The following PCDHA7 variants were observed in gnomAD, a reference collection of about 807,000 sequenced individuals.
PCDHA7 encodes protocadherin alpha-7.
In PCDHA7, 37 loss-of-function variants were observed where a neutral mutation model predicts 57.2. The ratio of observed to expected loss-of-function variants is 0.65; its 90% CI spans 0.50 to 0.85. PCDHA7 has a LOEUF of 0.85. Among genes scored for constraint, PCDHA7 ranks in the 40% least tolerant of loss-of-function variants. PCDHA7 has a pLI of 0.00. For missense variants in PCDHA7, 1,188 were observed against 1,241.8 expected, an observed-to-expected ratio of 0.96 and a Z score of 0.65; for synonymous variants, 553 against 558.8, an observed-to-expected ratio of 0.99 and a Z score of 0.15.
At chr5:140,868,823 G>A (rs576498570) in intron 1 of PCDHA7, 4 of 397,532 alleles carry the variant, frequency 1.0e-5, no homozygotes, top group South Asian at 6.7e-5. Context: ...ATATTTGGGG[G>A]AAGAAACCCA....
At chr5:141,009,391 C>T (rs1006846075) in intron 3 of PCDHA7, among the ~76,000 whole-genome samples, 1 of 152,086 alleles carries the variant, frequency 6.6e-6, no homozygotes, top group Non-Finnish European at 1.5e-5. Context: ...CACAGGAGGT[C>T]GAGGCTGCAG....
At chr5:140,850,167 G>C (rs2041389844) in intron 1 of PCDHA7, 2 of 1,594,718 alleles carry the variant, frequency 1.3e-6, no homozygotes, top group African/African-American at 1.3e-5. Flanking sequence ...CGTGCTGGAC[G>C]AGAACGACAA....
At chr5:140,872,804 A>G (rs918819226) in intron 1 of PCDHA7, among the ~76,000 whole-genome samples, 1 of 152,170 alleles carries the variant, frequency 6.6e-6, no homozygotes, top group Admixed American at 6.5e-5. Flanking sequence ...ATTCTTCCAT[A>G]AGTTTTTCAG....
rs192388233 is a variant in PCDHA7 at position 140,869,206 on chromosome 5, G to C, written c.2355+32468G>C. 4,858 of 1,613,972 alleles carry C rather than the reference G, an allele frequency of 3.0e-3. 14 individuals carry two copies. The highest frequency in any genetic ancestry group is 3.0e-3 in the Non-Finnish European group (3,497 of 1,179,950). On this transcript the variant is annotated intron_variant, in intron 1 of 3. Transcript: ENST00000525929. ...GGGGAGCGGCCAGCTCCACTACTCC[G>C]TCTCGGAGGAGGCCAAACACGGCAC...
rs369328632 is a variant in PCDHA7, at chr5:140,856,073, G to A, written c.2355+19335G>A. On this transcript the variant is annotated intron_variant, in intron 1 of 3. Transcript: ENST00000525929. ...GATGGTTTCCAGATGTAGCTGCCTG[G>A]GGGTCCAGTGTCTGCTGCTCTCGCT... The A allele has an allele frequency of 1.9e-6, 3 of 1,592,028 alleles. 1 individual carries two copies. Among genetic ancestry groups the A allele is most frequent in the Non-Finnish European group, 2.6e-6 (3 of 1,163,816 alleles).
At chr5:140,928,007 A>G in intron 1 of PCDHA7, 3 of 1,614,116 alleles carry the variant, frequency 1.9e-6, no homozygotes, top group Non-Finnish European at 2.5e-6. Context: ...CTCGATTCTA[A>G]TGGTAGGGTC....
chr5:140,876,873 C>G (rs781921402), intron 1 of PCDHA7: 1 of 1,614,128 alleles, frequency 6.2e-7, no homozygotes, highest in Non-Finnish European at 8.5e-7. Context: ...TGAAGGAGAA[C>G]AACCCGCCGG....
At chr5:140,842,654 G>A in intron 1 of PCDHA7, 1 of 1,595,506 alleles carries the variant, frequency 6.3e-7, no homozygotes, top group Non-Finnish European at 8.6e-7. Context: ...GTCTGTGGAG[G>A]TGGCCGACGT....
At chr5:140,882,844 A>G in intron 1 of PCDHA7, 1 of 1,614,248 alleles carries the variant, frequency 6.2e-7, no homozygotes, top group Non-Finnish European at 8.5e-7. Flanking sequence ...TGTCTTCATT[A>G]TCACTTGTAC....
intron 1 of PCDHA7, chr5:140,883,340 C>T (rs2059560429): frequency 6.2e-7 from 1 of 1,614,140 alleles, no homozygotes; most frequent in Non-Finnish European, 8.5e-7. Flanking sequence ...TTTGTCACTC[C>T]CCATCAGAGA....
rs782072957 is a variant in PCDHA7, at chr5:140,870,352, G to T, written c.2355+33614G>T. On this transcript the variant is annotated intron_variant, in intron 1 of 3. Coordinates refer to ENST00000525929, the MANE Select transcript of PCDHA7 (RefSeq NM_018910.3). ...GGACAGCGCCCTGGACCGCGAGAAC[G>T]TGTGGGCCTATGAACTGGTGGTGAC... 9.9e-6 allele frequency: 16 copies of T among 1,614,226 alleles called. No individual in the cohort carries two copies. The South Asian group carries it at 1.3e-4, about 13-fold the overall frequency.
chr5:140,853,580 T>C, intron 1 of PCDHA7: 2 of 984,120 alleles, frequency 2.0e-6, no homozygotes, highest in Non-Finnish European at 2.4e-6. Flanking sequence ...TCACCCAATA[T>C]CTTAGACACT....
At chr5:140,843,940 T>G in intron 1 of PCDHA7, 1 of 573,966 alleles carries the variant, frequency 1.7e-6, no homozygotes, top group East Asian at 2.9e-5. Context: ...TATGGTTGGA[T>G]GATATCCATT....
intron 1 of PCDHA7, chr5:140,929,609 A>G: frequency 2.4e-6 from 1 of 410,256 alleles, no homozygotes; most frequent in Non-Finnish European, 4.4e-6. Flanking sequence ...TAAAAATAAA[A>G]TACCAAAATA....
intron 1 of PCDHA7, among the ~76,000 whole-genome samples, chr5:140,938,685 C>CTT (rs1554212299): frequency 6.6e-6 from 1 of 151,964 alleles, no homozygotes; most frequent in African/African-American, 2.4e-5. Context: ...ATTTTCTTTA[C>CTT]AGTTTTTAAA....
intron 1 of PCDHA7, chr5:140,875,848 A>T: frequency 1.2e-6 from 2 of 1,614,188 alleles, no homozygotes; most frequent in East Asian, 2.2e-5. Context: ...GGTGAAGGAC[A>T]TTAACGACAA....
At chr5:141,006,689 G>C (rs1249412460) in intron 3 of PCDHA7, among the ~76,000 whole-genome samples, 3 of 152,072 alleles carry the variant, frequency 2.0e-5, no homozygotes, top group African/African-American at 7.2e-5. Flanking sequence ...TGGGAGAAGA[G>C]GACAGAGTCA....
intron 1 of PCDHA7, chr5:140,870,382 C>G (rs782627889): frequency 7.4e-6 from 12 of 1,614,062 alleles, no homozygotes; most frequent in Non-Finnish European, 1.0e-5. Context: ...GGTGACTGCG[C>G]GGGATGGGGG....
intron 1 of PCDHA7, chr5:140,875,909 C>A (rs1554168058): frequency 1.2e-6 from 2 of 1,614,048 alleles, no homozygotes; most frequent in African/African-American, 2.7e-5. Flanking sequence ...TCTGAATCTG[C>A]GCCTCTGGAC....
Sources: allele counts gnomAD v4.1 joint callset (sites outside exome capture counted in the v4.1 genomes callset), GRCh38; gene constraint gnomAD v4.1.1; transcripts MANE v1.5; gene names NCBI Gene and HGNC (gene_info 2026-07-23, HGNC 2026-07-21).